The following OLFM2 variants were observed in gnomAD, a reference collection of about 807,000 sequenced individuals.
The protein encoded by OLFM2 is olfactomedin 2.
A neutral mutation model predicts 43.9 loss-of-function variants in OLFM2; 20 were observed. That is an observed-to-expected ratio of 0.46 (90% CI 0.32 to 0.66). OLFM2 has a LOEUF of 0.66. Ranked by LOEUF, OLFM2 falls within the 30% of genes least tolerant of loss-of-function variation. The pLI, the probability that OLFM2 is intolerant of heterozygous loss-of-function variation, is 0.04. For missense variants in OLFM2, 416 were observed against 643.6 expected, an observed-to-expected ratio of 0.65 and a Z score of 3.83; for synonymous variants, 268 against 278.6, an observed-to-expected ratio of 0.96 and a Z score of 0.38.
chr19:9,890,337 C>T (rs7245830), intron 1 of OLFM2, among the ~76,000 whole-genome samples: 35,638 of 152,060 alleles, frequency 0.23, 4,553 homozygotes, highest in East Asian at 0.27. Flanking sequence ...GGGAGATCCC[C>T]CTGATGTATC....
At chr19:9,855,107 C>T (rs2046305246) in intron 5 of OLFM2, among the ~76,000 whole-genome samples, 1 of 152,170 alleles carries the variant, frequency 6.6e-6, no homozygotes, top group Non-Finnish European at 1.5e-5. Context: ...TGACCACTAA[C>T]CACCCAATAT....
At chr19:9,929,062 AAG>A (rs1454332156) in intron 1 of OLFM2, among the ~76,000 whole-genome samples, 1 of 152,092 alleles carries the variant, frequency 6.6e-6, no homozygotes, top group African/African-American at 2.4e-5. Context: ...AAAAGAAAAA[AAG>A]AGATAGAATG....
At chr19:9,893,445 G>A (rs1307433314) in intron 1 of OLFM2, among the ~76,000 whole-genome samples, 3 of 152,156 alleles carry the variant, frequency 2.0e-5, no homozygotes, top group Non-Finnish European at 4.4e-5. Flanking sequence ...GATTACAGGC[G>A]TGAGCCACCG....
chr19:9,929,279 C>T (rs1042221412), intron 1 of OLFM2, among the ~76,000 whole-genome samples: 5 of 152,126 alleles, frequency 3.3e-5, no homozygotes, highest in African/African-American at 1.2e-4. Flanking sequence ...ATACAGAAGG[C>T]TCTCAATGAA....
intron 1 of OLFM2, among the ~76,000 whole-genome samples, chr19:9,930,047 A>AAAAG (rs1555729700): frequency 6.6e-6 from 1 of 151,856 alleles, no homozygotes; most frequent in South Asian, 2.1e-4. Flanking sequence ...CTCAAAAAAA[A>AAAAG]AAAGAAAGAA....
intron 1 of OLFM2, among the ~76,000 whole-genome samples, chr19:9,867,587 A>G (rs2046412442): frequency 6.6e-6 from 1 of 152,228 alleles, no homozygotes; most frequent in African/African-American, 2.4e-5. Context: ...TGGGGCTTAC[A>G]TATTTATTTG....
At chr19:9,925,771 G>T (rs2086448464) in intron 1 of OLFM2, among the ~76,000 whole-genome samples, 1 of 151,052 alleles carries the variant, frequency 6.6e-6, no homozygotes, top group Non-Finnish European at 1.5e-5. Context: ...CAAAAGAATT[G>T]AACTCAGTGT....
At position 9,857,800 on chromosome 19, in the gene OLFM2, T is replaced by C. The variant is rs2046334406; in HGVS notation, c.275A>G (p.Tyr92Cys). The C allele has an allele frequency of 1.2e-6, 2 of 1,613,990 alleles. No homozygotes were observed. Among genetic ancestry groups the C allele is most frequent in the African/African-American group, 1.3e-5 (1 of 74,912 alleles). The change falls in exon 3 of 6, where the codon TAT (tyrosine) becomes TGT (cysteine). Residue 92 changes from tyrosine (Y) to cysteine (C), a missense_variant. By Grantham distance (194) the Tyr-to-Cys change is radical. Transcript: ENST00000264833. This position sits in a 1 kb window ranked among gnomAD's most constrained non-coding sequence, Gnocchi z 5.7. ...CATGAGGGTCTCCATGCCGCGTACA[T>C]ACTGGAGGTCGCGATACGTCCGCAA... ...LELRTYRDLQ[Y>C]VRGMETLMRS...
chr19:9,885,607 T>G (rs1295474135), intron 1 of OLFM2, among the ~76,000 whole-genome samples: 2 of 152,028 alleles, frequency 1.3e-5, no homozygotes, highest in African/African-American at 4.8e-5. Flanking sequence ...GCTTGGGAGG[T>G]GTCACCTACT....
At chr19:9,919,394 C>G (rs991455432) in intron 1 of OLFM2, among the ~76,000 whole-genome samples, 3 of 152,056 alleles carry the variant, frequency 2.0e-5, no homozygotes, top group Non-Finnish European at 4.4e-5. Flanking sequence ...TCTCGATCTC[C>G]TGACCTCGTA....
Position 9,886,154 on chromosome 19 carries a change from C to G in OLFM2, c.64-25360G>C, listed in dbSNP as rs181875572. ...CGTCTCTAGTTCTGCTTCTCAGGAA[C>G]CCAACCTAAGATGGGGGAAATGATG... is the stretch of plus-strand genomic sequence containing the variant. On this transcript the variant is annotated intron_variant, in intron 1 of 5. Transcript: ENST00000264833. 2.0e-4 allele frequency among the ~76,000 whole-genome samples: 30 copies of G among 151,664 alleles called. No homozygotes were observed. In the East Asian group the frequency reaches 5.6e-3, roughly 29 times the overall value.
chr19:9,877,229 C>CA (rs1284739436), intron 1 of OLFM2, among the ~76,000 whole-genome samples: 3,329 of 45,212 alleles, frequency 0.074, 162 homozygotes, highest in East Asian at 0.26. Context: ...GACTCCATCT[C>CA]AAAAAAAAAA....
At chr19:9,870,562 C>G (rs1021766118) in intron 1 of OLFM2, among the ~76,000 whole-genome samples, 2 of 152,228 alleles carry the variant, frequency 1.3e-5, no homozygotes, top group African/African-American at 4.8e-5. Context: ...TGTGTTCTCT[C>G]TGGCCCATCC....
At chr19:9,913,282 G>C (rs1213977683) in intron 1 of OLFM2, among the ~76,000 whole-genome samples, 1 of 152,124 alleles carries the variant, frequency 6.6e-6, no homozygotes, top group Non-Finnish European at 1.5e-5. Flanking sequence ...AGGTGGCTAG[G>C]GGTCCCGGGG....
Position 9,861,460 on chromosome 19 carries a change from G to A in OLFM2, c.64-666C>T, listed in dbSNP as rs150595554. Among the ~76,000 whole-genome samples, 210 of 152,074 alleles carry A rather than the reference G, an allele frequency of 1.4e-3. 1 individual carries two copies. Among genetic ancestry groups the A allele is most frequent in the African/African-American group, 4.8e-3 (198 of 41,492 alleles). ...ATTACAGGCGTGAGCCACCGTGCCC[G>A]GCCATCAGGGCCACCAAATGTTAAG... On this transcript the variant is annotated intron_variant, in intron 1 of 5. Coordinates refer to ENST00000264833, the MANE Select transcript of OLFM2 (RefSeq NM_058164.4).
At chr19:9,927,345 C>A (rs1021909658) in intron 1 of OLFM2, among the ~76,000 whole-genome samples, 1 of 152,022 alleles carries the variant, frequency 6.6e-6, no homozygotes, top group African/African-American at 2.4e-5. Context: ...GCTTTCGAAG[C>A]CTTTACAGTC....
At chr19:9,860,851 C>T in intron 1 of OLFM2, 57 bp from the exon 2 acceptor site, 1 of 1,533,850 alleles carries the variant, frequency 6.5e-7, no homozygotes, top group Non-Finnish European at 8.8e-7. Flanking sequence ...GCCTCGCCCT[C>T]ACTGGGACAG....
In OLFM2 at chr19:9,854,082, C is replaced by T. The variant is rs1042738920; in HGVS notation, c.*104G>A. 1.8e-4 allele frequency: 186 copies of T among 1,020,504 alleles called. No individual in the cohort carries two copies. Among genetic ancestry groups the T allele is most frequent in the Non-Finnish European group, 2.3e-4 (159 of 680,904 alleles). The allele number at this position is 1,020,504 out of a possible 1,614,324, so 63.2% of individuals were successfully genotyped here. On this transcript the variant is annotated 3_prime_UTR_variant, in exon 6 of 6. Transcript: ENST00000264833. The surrounding 1 kb of genome is among the most constrained non-coding windows in gnomAD (Gnocchi z 9.5). ...CCAGCAAAAAGGCGGGGAGAAAGGG[C>T]GTGACAGAGACAGAGAGATCACCCT...
intron 1 of OLFM2, among the ~76,000 whole-genome samples, chr19:9,933,016 A>T (rs1030993373): frequency 6.6e-6 from 1 of 151,518 alleles, no homozygotes; most frequent in Non-Finnish European, 1.5e-5. Context: ...TCTCCCCGCG[A>T]CCTCTCCAGC....
Sources: allele counts gnomAD v4.1 joint callset (sites outside exome capture counted in the v4.1 genomes callset), GRCh38; gene constraint gnomAD v4.1.1; non-coding constraint Gnocchi (gnomAD v3.1); transcripts MANE v1.5; gene names NCBI Gene and HGNC (gene_info 2026-07-23, HGNC 2026-07-21).